ACSL6: variants seen among roughly 807,000 people sequenced by gnomAD.
ACSL6 encodes the protein long-chain-fatty-acid--CoA ligase 6.
ACSL6 carries 47 observed loss-of-function variants against 98.2 expected under a neutral mutation model. That is an observed-to-expected ratio of 0.48 (90% confidence interval 0.38 to 0.61). The LOEUF is 0.61. ACSL6 is among the 20% of genes least tolerant of loss of function. The probability of loss-of-function intolerance (pLI) is 0.00; values close to 1 mark genes in which losing one functional copy is unlikely to be tolerated. For synonymous variants in ACSL6, 362 were observed against 336.9 expected, an observed-to-expected ratio of 1.07 and a Z score of -0.82; for missense variants, 761 against 913.4, an observed-to-expected ratio of 0.83 and a Z score of 2.15.
Position 131,962,548 on chromosome 5 carries a change from C to G in ACSL6, c.1844G>C (p.Gly615Ala). ...SQPVAQIYVHGDSLKAFLVGI... is the reference protein window; with the variant it reads ...SQPVAQIYVHADSLKAFLVGI... ...TAGAGGCCTCACCTTTAAGCTGTCC[C>G]CATGGACATAGATTTGCGCCACAGG... The change falls in exon 18 of 21, where the codon GGG becomes GCG. Residue 615 changes from glycine to alanine, a missense_variant. Physicochemically the swap from Gly to Ala is moderately conservative, Grantham distance 60. Coordinates refer to ENST00000651883, the MANE Select transcript of ACSL6 (RefSeq NM_001009185.3). 6.2e-7 allele frequency: 1 copy of G among 1,613,982 alleles called. No homozygotes were observed. Among genetic ancestry groups the G allele is most frequent in the Non-Finnish European group, 8.5e-7 (1 of 1,179,924 alleles).
chr5:131,972,183 G>GA (rs1201537890), intron 13 of ACSL6, among the ~76,000 whole-genome samples: 22 of 152,056 alleles, frequency 1.4e-4, no homozygotes, highest in African/African-American at 7.2e-5. Flanking sequence ...AGAGTAGCAA[G>GA]AAAAAAATGA....
chr5:131,972,641 G>A, intron 13 of ACSL6, 83 bp downstream of exon 13: 1 of 1,492,794 alleles, frequency 6.7e-7, no homozygotes, highest in Non-Finnish European at 9.2e-7. Flanking sequence ...ACAGGGCACT[G>A]GGATGAACTT....
At chr5:131,989,116 C>T (rs185260401) in intron 5 of ACSL6, among the ~76,000 whole-genome samples, 142 of 152,256 alleles carry the variant, frequency 9.3e-4, no homozygotes, top group African/African-American at 3.3e-3. Context: ...GTCTAAACTG[C>T]CCCAAGGACA....
At chr5:131,962,732 C>A in intron 17 of ACSL6, 54 bp from the exon 18 acceptor site, 2 of 1,598,940 alleles carry the variant, frequency 1.3e-6, no homozygotes, top group Non-Finnish European at 1.7e-6. Context: ...AAGCCTGAAC[C>A]TTTGCTCCTC....
Position 131,972,713 on chromosome 5 carries a change from C to T in ACSL6, c.1338+11G>A, listed in dbSNP as rs775910969. On this transcript the variant is annotated intron_variant, in intron 13 of 20. Transcript: ENST00000651883. ...AGGTGTCACTCTATAATCACTTGTT[C>T]ATTTTCTTACCTGAATCTTATTAAA... The T allele has an allele frequency of 6.2e-7, 1 of 1,614,026 alleles. No homozygotes were observed. Among genetic ancestry groups the T allele is most frequent in the East Asian group, 2.2e-5 (1 of 44,886 alleles).
intron 20 of ACSL6, among the ~76,000 whole-genome samples, chr5:131,957,979 T>A (rs1328113908): frequency 6.6e-6 from 1 of 152,182 alleles, no homozygotes; most frequent in Non-Finnish European, 1.5e-5. Flanking sequence ...GTATTTGAGG[T>A]TACCATGGTG....
intron 16 of ACSL6, 58 bp downstream of exon 16, chr5:131,967,882 T>C: frequency 6.8e-7 from 1 of 1,471,826 alleles, no homozygotes. Context: ...CCTACTGTTC[T>C]TGTTTTTACT....
chr5:131,974,769 G>T, intron 11 of ACSL6, 124 bp downstream of exon 11: 1 of 1,609,594 alleles, frequency 6.2e-7, no homozygotes, highest in Non-Finnish European at 8.5e-7. Context: ...TGCACCATTC[G>T]CTCAAACATG....
intron 20 of ACSL6, 65 bp downstream of exon 20, chr5:131,959,471 T>G: frequency 6.6e-7 from 1 of 1,524,616 alleles, no homozygotes; most frequent in Non-Finnish European, 9.1e-7. Flanking sequence ...AGGGTCACCA[T>G]GGGTTAATTT....
chr5:131,982,171 T>G (rs1753937618), intron 9 of ACSL6: 1 of 106,312 alleles, frequency 9.4e-6, no homozygotes, highest in Admixed American at 1.3e-4. Flanking sequence ...TGAGACGGAG[T>G]CTCGCTCTGT....
intron 20 of ACSL6, among the ~76,000 whole-genome samples, chr5:131,955,302 A>C (rs1752342343): frequency 6.6e-6 from 1 of 152,246 alleles, no homozygotes; most frequent in Non-Finnish European, 1.5e-5. Context: ...TATTGTAAAA[A>C]GGGTTTTGTT....
At chr5:131,981,340 A>AC (rs1753883581) in intron 9 of ACSL6, among the ~76,000 whole-genome samples, 1 of 151,896 alleles carries the variant, frequency 6.6e-6, no homozygotes, top group Non-Finnish European at 1.5e-5. Context: ...AAAAAAAAAA[A>AC]AAAAACACAA....
chr5:131,972,712 T>C lies in ACSL6; in HGVS notation c.1338+12A>G. ...TAGGTGTCACTCTATAATCACTTGT[T>C]CATTTTCTTACCTGAATCTTATTAA... On this transcript the variant is annotated intron_variant, in intron 13 of 20. Coordinates refer to ENST00000651883, the MANE Select transcript of ACSL6 (RefSeq NM_001009185.3). The C allele has an allele frequency of 6.2e-7, 1 of 1,614,114 alleles. No individual in the cohort carries two copies. Among genetic ancestry groups the C allele is most frequent in the East Asian group, 2.2e-5 (1 of 44,888 alleles).
intron 1 of ACSL6, among the ~76,000 whole-genome samples, chr5:132,003,282 C>T (rs190605340): frequency 6.6e-6 from 1 of 152,358 alleles, no homozygotes; most frequent in Non-Finnish European, 1.5e-5. Context: ...TGAATCCCCC[C>T]TCTGGAGGTC....
intron 6 of ACSL6, 60 bp from the exon 7 acceptor site, chr5:131,988,286 C>T: frequency 6.3e-7 from 1 of 1,584,040 alleles, no homozygotes; most frequent in Non-Finnish European, 8.6e-7. Flanking sequence ...GTGCAGGCAG[C>T]ATGTGCCAGG....
chr5:131,979,866 C>T (rs1229434169), intron 9 of ACSL6, among the ~76,000 whole-genome samples: 1 of 152,226 alleles, frequency 6.6e-6, no homozygotes, highest in Non-Finnish European at 1.5e-5. Flanking sequence ...CACTCATAAG[C>T]TGACCATTCT....
At chr5:132,006,218 T>C (rs1050668124) in intron 1 of ACSL6, 2 of 152,204 alleles carry the variant, frequency 1.3e-5, no homozygotes, top group East Asian at 3.9e-4. Flanking sequence ...GAAATCCTTC[T>C]GGCTCTGAGA....
chr5:131,999,697 T>A (rs1754977169), intron 1 of ACSL6: 1 of 152,346 alleles, frequency 6.6e-6, no homozygotes, highest in Non-Finnish European at 1.5e-5. Flanking sequence ...ACACAGCAGT[T>A]CTGTAAGGAG....
At chr5:131,967,695 ATAAT>A (rs1554112004) in intron 16 of ACSL6, among the ~76,000 whole-genome samples, 5 of 145,508 alleles carry the variant, frequency 3.4e-5, no homozygotes, top group Non-Finnish European at 4.5e-5. Flanking sequence ...AATAATAATA[ATAAT>A]TAATTAATTT....
Sources: allele counts gnomAD v4.1 joint callset (sites outside exome capture counted in the v4.1 genomes callset), GRCh38; gene constraint gnomAD v4.1.1; transcripts MANE v1.5; gene names NCBI Gene and HGNC (gene_info 2026-07-23, HGNC 2026-07-21).